The following SH3RF3 variants were observed in gnomAD, a reference collection of about 807,000 sequenced individuals.
The protein encoded by SH3RF3 is SH3 domain containing ring finger 3, also known as E3 ubiquitin-protein ligase SH3RF3.
In SH3RF3, 29 loss-of-function variants were observed where a neutral mutation model predicts 66.3. The observed-to-expected ratio is 0.44, with a 90% CI of 0.33 to 0.60. The LOEUF (loss-of-function observed/expected upper bound fraction) is 0.60, where lower values mean the gene tolerates loss of function less well. SH3RF3 is among the 20% of genes least tolerant of loss of function. The pLI, the probability that SH3RF3 is intolerant of heterozygous loss-of-function variation, is 0.04. For synonymous variants in SH3RF3, 583 were observed against 532.0 expected (o/e 1.10, Z -1.32); for missense variants, 1,194 against 1,190.9 (o/e 1.00, Z -0.04).
chr2:109,168,996 GGCAGCTCATGAGTTT>G (rs1677693977), intron 1 of SH3RF3, among the ~76,000 whole-genome samples: 1 of 152,170 alleles, frequency 6.6e-6, no homozygotes, highest in Non-Finnish European at 1.5e-5. Context: ...CTGGAAGAAA[GGCAGCTCATGAGTTT>G]GCCTAACAGG....
At chr2:109,209,807 C>G (rs542439399) in intron 1 of SH3RF3, among the ~76,000 whole-genome samples, 1 of 152,246 alleles carries the variant, frequency 6.6e-6, no homozygotes, top group East Asian at 1.9e-4. Context: ...TTGGACACTC[C>G]AGTATTCCAA....
At chr2:109,416,583 C>T (rs1183691667) in intron 4 of SH3RF3, among the ~76,000 whole-genome samples, 14 of 151,794 alleles carry the variant, frequency 9.2e-5, no homozygotes, top group Admixed American at 7.9e-4. Context: ...CGGGGTTTCA[C>T]CATATTGACC....
intron 1 of SH3RF3, among the ~76,000 whole-genome samples, chr2:109,295,753 A>G (rs938518096): frequency 1.3e-5 from 2 of 152,088 alleles, no homozygotes; most frequent in African/African-American, 2.4e-5. Flanking sequence ...TGAATCTCCC[A>G]TGGTTGTGAG....
intron 8 of SH3RF3, among the ~76,000 whole-genome samples, chr2:109,464,997 GC>G (rs1678301333): frequency 6.6e-6 from 1 of 152,122 alleles, no homozygotes; most frequent in Non-Finnish European, 1.5e-5. Flanking sequence ...CTAACTCCTG[GC>G]AACCACTGAC....
chr2:109,476,607 A>C (rs1240271018), intron 8 of SH3RF3, among the ~76,000 whole-genome samples: 1 of 152,220 alleles, frequency 6.6e-6, no homozygotes, highest in Non-Finnish European at 1.5e-5. Context: ...CATGGTTATG[A>C]AGTGATTGTG....
At chr2:109,441,399 A>G (rs1474041989) in intron 7 of SH3RF3, among the ~76,000 whole-genome samples, 3 of 152,218 alleles carry the variant, frequency 2.0e-5, no homozygotes, top group African/African-American at 7.2e-5. Flanking sequence ...ACAGTGTGTG[A>G]GATCAAGAAT....
At chr2:109,222,756 A>AT (rs1356413673) in intron 1 of SH3RF3, among the ~76,000 whole-genome samples, 1 of 152,226 alleles carries the variant, frequency 6.6e-6, no homozygotes, top group African/African-American at 2.4e-5. Flanking sequence ...TTTCTGTTAA[A>AT]TTAGGTGGTC....
At chr2:109,171,079 T>C (rs1677769591) in intron 1 of SH3RF3, among the ~76,000 whole-genome samples, 2 of 152,218 alleles carry the variant, frequency 1.3e-5, no homozygotes, top group Non-Finnish European at 2.9e-5. Flanking sequence ...ATCCTGGTTT[T>C]ATGTAGCTCA....
In SH3RF3 at chr2:109,466,633, C is replaced by A. The variant is rs536837716; in HGVS notation, c.2148+17144C>A. On this transcript the variant is annotated intron_variant, in intron 8 of 9. Transcript: ENST00000309415. ...CATGATTGTGTCTTTGGTGTTTTAT[C>A]TAAAAAGGCACCACTAAGCCTAAGG... 6.6e-5 allele frequency among the ~76,000 whole-genome samples: 10 copies of A among 152,244 alleles called. No individual in the cohort carries two copies. The South Asian group carries it at 1.0e-3, about 16-fold the overall frequency.
chr2:109,172,630 C>T (rs12478508), intron 1 of SH3RF3, among the ~76,000 whole-genome samples: 39,831 of 152,090 alleles, frequency 0.26, 5,561 homozygotes, highest in East Asian at 0.43. Context: ...ATCACCTCTC[C>T]GGAGCCCATA....
intron 1 of SH3RF3, among the ~76,000 whole-genome samples, chr2:109,205,276 T>G (rs1678784918): frequency 6.6e-6 from 1 of 151,812 alleles, no homozygotes; most frequent in African/African-American, 2.4e-5. Flanking sequence ...TTTTTTTTTT[T>G]TTTAAACTGA....
intron 1 of SH3RF3, among the ~76,000 whole-genome samples, chr2:109,191,877 G>A (rs551202713): frequency 9.2e-5 from 14 of 152,160 alleles, no homozygotes; most frequent in African/African-American, 3.4e-4. Context: ...CAGCATTTTT[G>A]AAACCTTTAC....
chr2:109,433,743 G>A (rs1309231344), intron 6 of SH3RF3, among the ~76,000 whole-genome samples: 1 of 152,190 alleles, frequency 6.6e-6, no homozygotes, highest in Non-Finnish European at 1.5e-5. Flanking sequence ...CAGAAGCGGG[G>A]GCTAAGGGAT....
At chr2:109,154,175 A>C (rs202201102) in intron 1 of SH3RF3, among the ~76,000 whole-genome samples, 2 of 152,208 alleles carry the variant, frequency 1.3e-5, no homozygotes, top group East Asian at 3.8e-4. Context: ...TCATCCCTAC[A>C]TGGGGCTCAG....
intron 1 of SH3RF3, among the ~76,000 whole-genome samples, chr2:109,331,250 G>A (rs887828581): frequency 1.3e-5 from 2 of 152,010 alleles, no homozygotes; most frequent in Non-Finnish European, 2.9e-5. Flanking sequence ...ACCCCCACCC[G>A]CCTGTCCCGC....
intron 1 of SH3RF3, among the ~76,000 whole-genome samples, chr2:109,150,220 G>A (rs62154375): frequency 0.38 from 57,679 of 152,066 alleles, 14,086 homozygotes; most frequent in Non-Finnish European, 0.54. Context: ...CAGGTAAAGA[G>A]GGAGGAAGAG....
chr2:109,313,443 C>A (rs1484536395), intron 1 of SH3RF3: 1 of 153,878 alleles, frequency 6.5e-6, no homozygotes, highest in Non-Finnish European at 1.5e-5. Context: ...AAGGCCAGGC[C>A]TCCCTGGCTG....
At position 109,392,806 on chromosome 2, in the gene SH3RF3, C is replaced by T. The variant is rs145626900; in HGVS notation, c.946-5784C>T. Among the ~76,000 whole-genome samples the T allele has an allele frequency of 7.3e-3, 1,112 of 152,274 alleles. 13 individuals are homozygous for T. The highest frequency in any genetic ancestry group is 0.052 in the East Asian group (270 of 5,170). ...CTGAGATTACAGGCGTCAGCCACCA[C>T]GCACGGCCCCCTGGCTTCTTACTAG... On this transcript the variant is annotated intron_variant, in intron 3 of 9. Transcript: ENST00000309415.
chr2:109,152,197 T>G (rs555279903), intron 1 of SH3RF3, among the ~76,000 whole-genome samples: 41 of 152,310 alleles, frequency 2.7e-4, no homozygotes, highest in African/African-American at 9.9e-4. Context: ...AGAAATAAAT[T>G]ATCACAAAAC....
Sources: allele counts gnomAD v4.1 joint callset (sites outside exome capture counted in the v4.1 genomes callset), GRCh38; gene constraint gnomAD v4.1.1; transcripts MANE v1.5; gene names NCBI Gene and HGNC (gene_info 2026-07-23, HGNC 2026-07-21).